Variants in DCLK1 observed in about 807,000 individuals in gnomAD.
DCLK1 encodes serine/threonine-protein kinase DCLK1.
A neutral mutation model predicts 86.2 loss-of-function variants in DCLK1; 16 were observed. The ratio of observed to expected loss-of-function variants is 0.19; its 90% confidence interval spans 0.13 to 0.28. The LOEUF is 0.28. DCLK1 is among the 10% of genes least tolerant of loss of function. The pLI, the probability that DCLK1 is intolerant of heterozygous loss-of-function variation, is 1.00. For missense variants in DCLK1, 590 were observed against 940.2 expected, an observed-to-expected ratio of 0.63 and a Z score of 4.87; for synonymous variants, 369 against 370.5, an observed-to-expected ratio of 1.00 and a Z score of 0.05.
intron 4 of DCLK1, among the ~76,000 whole-genome samples, chr13:35,891,531 T>C (rs1873643369): frequency 6.6e-6 from 1 of 152,200 alleles, no homozygotes; most frequent in Non-Finnish European, 1.5e-5. Flanking sequence ...GAAAATGTTC[T>C]AAAATTGATT....
At chr13:35,994,291 G>A (rs1405670890) in intron 3 of DCLK1, among the ~76,000 whole-genome samples, 4 of 152,118 alleles carry the variant, frequency 2.6e-5, no homozygotes, top group African/African-American at 7.2e-5. Flanking sequence ...GGAGCCAAGC[G>A]AATTAGTCAG....
At chr13:35,958,539 TACC>T (rs977941179) in intron 3 of DCLK1, among the ~76,000 whole-genome samples, 2 of 147,852 alleles carry the variant, frequency 1.4e-5, no homozygotes, top group East Asian at 4.1e-4. Flanking sequence ...TAACTACCAA[TACC>T]ACCACCACCA....
At chr13:35,921,157 A>G (rs980980806) in intron 4 of DCLK1, among the ~76,000 whole-genome samples, 16 of 152,062 alleles carry the variant, frequency 1.1e-4, no homozygotes, top group African/African-American at 3.6e-4. Flanking sequence ...ACCACATCCT[A>G]TTATTCCCAG....
chr13:36,063,973 G>C (rs539387304), intron 3 of DCLK1, among the ~76,000 whole-genome samples: 23 of 152,142 alleles, frequency 1.5e-4, no homozygotes, highest in African/African-American at 5.3e-4. Context: ...TGACCTGAAG[G>C]GTAGGTTTTG....
chr13:35,859,021 C>T (rs1333704753), intron 5 of DCLK1, among the ~76,000 whole-genome samples: 1 of 152,214 alleles, frequency 6.6e-6, no homozygotes, highest in Non-Finnish European at 1.5e-5. Flanking sequence ...GACACATGTA[C>T]TGAGTACACT....
At chr13:36,101,218 T>C (rs1885206376) in intron 3 of DCLK1, among the ~76,000 whole-genome samples, 1 of 152,174 alleles carries the variant, frequency 6.6e-6, no homozygotes, top group Non-Finnish European at 1.5e-5. Flanking sequence ...CATTAATCTC[T>C]TCCTCGGGAT....
intron 4 of DCLK1, among the ~76,000 whole-genome samples, chr13:35,946,887 A>C (rs892825033): frequency 6.6e-6 from 1 of 152,180 alleles, no homozygotes; most frequent in Non-Finnish European, 1.5e-5. Context: ...CTTTTCTGAT[A>C]CCTCACAGAT....
intron 1 of DCLK1, 92 bp from the exon 2 acceptor site, chr13:36,126,248 G>A: frequency 9.1e-7 from 1 of 1,094,148 alleles, no homozygotes; most frequent in East Asian, 2.8e-5. Context: ...TTATGTTAGG[G>A]ACAGGGTCCT....
intron 11 of DCLK1, among the ~76,000 whole-genome samples, chr13:35,813,849 T>C (rs2087206531): frequency 6.6e-6 from 1 of 151,482 alleles, no homozygotes; most frequent in Admixed American, 6.6e-5. Context: ...CAATTCCATG[T>C]AATTGAAACC....
intron 3 of DCLK1, among the ~76,000 whole-genome samples, chr13:36,081,900 C>G (rs1383576939): frequency 1.3e-5 from 2 of 152,104 alleles, no homozygotes; most frequent in African/African-American, 2.4e-5. Context: ...GTAACAACAA[C>G]GCTATAAGAC....
At chr13:36,031,453 T>C (rs1327583427) in intron 3 of DCLK1, among the ~76,000 whole-genome samples, 3 of 152,202 alleles carry the variant, frequency 2.0e-5, no homozygotes, top group Non-Finnish European at 2.9e-5. Context: ...TGTACACAAA[T>C]TATATGTACG....
Position 35,958,500 on chromosome 13 carries a change from T to C in DCLK1, c.724-11043A>G, listed in dbSNP as rs972164660. Among the ~76,000 whole-genome samples the C allele has an allele frequency of 3.4e-5, 5 of 148,420 alleles. No homozygotes were observed. The East Asian group carries it at 8.0e-4, about 24-fold the overall frequency. On this transcript the variant is annotated intron_variant, in intron 3 of 16. Transcript: ENST00000360631. Reference sequence around the variant, plus strand: ...ACCATCACCACCACTACCACCACCATCACCACTACTGTACCACCAACAGCA... The same window carrying C: ...ACCATCACCACCACTACCACCACCACCACCACTACTGTACCACCAACAGCA...
intron 3 of DCLK1, among the ~76,000 whole-genome samples, chr13:36,013,842 C>A (rs1881405614): frequency 6.6e-6 from 1 of 152,224 alleles, no homozygotes; most frequent in South Asian, 2.1e-4. Flanking sequence ...TGCCGCCTTG[C>A]AGTTTGATCT....
chr13:35,836,098 T>G lies in DCLK1; in HGVS notation c.1164A>C (p.Glu388Asp). ...EGFQIPATIT[E>D]RYKVGRTIGD... ...CTATTGTTCTTCCGACTTTATATCG[T>G]TCTGTTATTGTAGCTGGAATCTGGA... Residue 388 changes from glutamate (E) to aspartate (D), a missense_variant, in exon 8 of 17, where the codon GAA becomes GAC. Transcript: ENST00000360631. 1 of 1,613,564 alleles carries G rather than the reference T, an allele frequency of 6.2e-7. No individual in the cohort carries two copies. The highest frequency in any genetic ancestry group is 1.1e-5 in the South Asian group (1 of 90,876).
chr13:36,120,257 C>A (rs1885938003), intron 2 of DCLK1, among the ~76,000 whole-genome samples: 1 of 151,892 alleles, frequency 6.6e-6, no homozygotes, highest in African/African-American at 2.4e-5. Context: ...ATCTACACGG[C>A]AAAAAACACA....
intron 3 of DCLK1, among the ~76,000 whole-genome samples, chr13:36,055,590 T>C (rs1883272950): frequency 6.6e-6 from 1 of 152,228 alleles, no homozygotes; most frequent in Admixed American, 6.5e-5. Context: ...AGAACACCAC[T>C]GTACTGCTGT....
At chr13:35,987,294 G>T (rs1879968346) in intron 3 of DCLK1, among the ~76,000 whole-genome samples, 1 of 152,086 alleles carries the variant, frequency 6.6e-6, no homozygotes, top group Non-Finnish European at 1.5e-5. Context: ...GCATAGTGGT[G>T]CACACCTGTA....
chr13:35,843,624 T>C (rs1869975763), intron 6 of DCLK1, among the ~76,000 whole-genome samples: 1 of 152,228 alleles, frequency 6.6e-6, no homozygotes, highest in South Asian at 2.1e-4. Flanking sequence ...GCATAAAGGT[T>C]TTGAAAATAT....
At chr13:35,883,546 A>C (rs757628572) in intron 4 of DCLK1, among the ~76,000 whole-genome samples, 1 of 152,126 alleles carries the variant, frequency 6.6e-6, no homozygotes, top group Non-Finnish European at 1.5e-5. Context: ...GATCCAAGTA[A>C]ACTTTTTTCT....
Sources: gnomAD v4.1 joint callset for allele counts (sites outside exome capture counted in the v4.1 genomes callset) on GRCh38, gnomAD v4.1.1 for gene constraint, MANE v1.5 for transcripts, NCBI Gene and HGNC (gene_info 2026-07-23, HGNC 2026-07-21) for gene names.